PDE3A: variants seen among roughly 807,000 people sequenced by gnomAD.
PDE3A encodes phosphodiesterase 3A, also known as cGMP-inhibited 3',5'-cyclic phosphodiesterase 3A.
Under a neutral mutation model 98.3 loss-of-function variants are expected in PDE3A, and 43 were observed. That is an observed-to-expected ratio of 0.44 (90% CI 0.34 to 0.56). PDE3A has a LOEUF of 0.56. Ranked by LOEUF, PDE3A falls within the 20% of genes least tolerant of loss-of-function variation. The pLI is 0.01. For missense variants in PDE3A, 1,427 were observed against 1,440.7 expected (o/e 0.99, Z 0.15); for synonymous variants, 663 against 567.9 (o/e 1.17, Z -2.38).
chr12:20,447,885 T>C (rs4130514), intron 1 of PDE3A, among the ~76,000 whole-genome samples: 48,995 of 151,802 alleles, frequency 0.32, 8,665 homozygotes, highest in Non-Finnish European at 0.39. Flanking sequence ...GACTGAGGGG[T>C]GATGCTATGT....
chr12:20,498,939 C>T (rs1945973679), intron 1 of PDE3A, among the ~76,000 whole-genome samples: 1 of 152,012 alleles, frequency 6.6e-6, no homozygotes, highest in African/African-American at 2.4e-5. Context: ...TCATTGATGC[C>T]TCAAATTGTC....
chr12:20,411,327 G>A (rs1019137478), intron 1 of PDE3A, among the ~76,000 whole-genome samples: 1 of 152,062 alleles, frequency 6.6e-6, no homozygotes, highest in African/African-American at 2.4e-5. Context: ...GCCTCTGGTA[G>A]CCACCATTCC....
At chr12:20,437,339 C>T (rs891170550) in intron 1 of PDE3A, among the ~76,000 whole-genome samples, 12 of 152,106 alleles carry the variant, frequency 7.9e-5, no homozygotes, top group African/African-American at 2.9e-4. Flanking sequence ...GATCATATCC[C>T]TACTATATGC....
chr12:20,684,715 A>G lies in PDE3A; in HGVS notation c.*4444A>G, dbSNP rs1188259564. ...AAGAAATCAGCAATTTTAGGTAAAG[A>G]ATATTCCAAGATTAAATTGTTCTTT... On this transcript the variant is annotated 3_prime_UTR_variant, in exon 16 of 16. Coordinates refer to ENST00000359062, the MANE Select transcript of PDE3A (RefSeq NM_000921.5). 6.6e-6 allele frequency among the ~76,000 whole-genome samples: 1 copy of G among 152,214 alleles called. No homozygotes were observed. The highest frequency in any genetic ancestry group is 1.5e-5 in the Non-Finnish European group (1 of 68,036).
At chr12:20,632,254 C>T (rs763586527) in intron 6 of PDE3A, among the ~76,000 whole-genome samples, 6 of 152,022 alleles carry the variant, frequency 3.9e-5, no homozygotes, top group African/African-American at 7.2e-5. Flanking sequence ...TTACAGGTAA[C>T]GTTTTTCTAT....
At chr12:20,431,621 ACG>A (rs1491268106) in intron 1 of PDE3A, among the ~76,000 whole-genome samples, 31 of 150,342 alleles carry the variant, frequency 2.1e-4, no homozygotes, top group African/African-American at 3.7e-4. Flanking sequence ...ACACACACAC[ACG>A]CACACACACG....
chr12:20,566,223 T>C (rs760118484), intron 2 of PDE3A, among the ~76,000 whole-genome samples: 1 of 151,948 alleles, frequency 6.6e-6, no homozygotes, highest in African/African-American at 2.4e-5. Flanking sequence ...TTTCTCCTTT[T>C]TTGGTGGTGA....
chr12:20,677,885 G>C (rs910298554), intron 15 of PDE3A, among the ~76,000 whole-genome samples: 2 of 151,270 alleles, frequency 1.3e-5, no homozygotes, highest in African/African-American at 4.9e-5. Flanking sequence ...AGTATCAGTA[G>C]TATCTATGAT....
chr12:20,641,036 A>G (rs1944635672), intron 10 of PDE3A, among the ~76,000 whole-genome samples: 1 of 152,158 alleles, frequency 6.6e-6, no homozygotes, highest in African/African-American at 2.4e-5. Context: ...ATTAATACTA[A>G]TAAAACACAA....
At chr12:20,417,804 C>A (rs1314508316) in intron 1 of PDE3A, among the ~76,000 whole-genome samples, 1 of 152,144 alleles carries the variant, frequency 6.6e-6, no homozygotes, top group Non-Finnish European at 1.5e-5. Flanking sequence ...GTGTTCGAGG[C>A]AGCGTACTTA....
In PDE3A at chr12:20,633,733, C is replaced by T. The variant is rs151312475; in HGVS notation, c.1801C>T (p.Pro601Ser). 16 of 1,610,540 alleles carry T rather than the reference C, an allele frequency of 9.9e-6. No homozygotes were observed. The Admixed American group carries it at 1.2e-4, about 12-fold the overall frequency. ...PYSQGNPADE[P>S]LERSGVATRT... ...TTCCCAAGGGAATCCTGCTGATGAG[C>T]CCCTGGAGAGAAGTGGGGTAGCCAC... The change falls in exon 7 of 16, where the codon CCC becomes TCC. Residue 601 changes from proline to serine, a missense_variant. By Grantham distance (74) the Pro-to-Ser change is moderately conservative. Transcript: ENST00000359062.
At chr12:20,564,000 A>C (rs1942594312) in intron 2 of PDE3A, among the ~76,000 whole-genome samples, 1 of 152,134 alleles carries the variant, frequency 6.6e-6, no homozygotes, top group Non-Finnish European at 1.5e-5. Context: ...TAGCAAATCT[A>C]TCATAGTAGG....
chr12:20,444,682 G>A (rs79454671), intron 1 of PDE3A, among the ~76,000 whole-genome samples: 266 of 152,290 alleles, frequency 1.7e-3, no homozygotes, highest in Non-Finnish European at 3.3e-3. Flanking sequence ...ATCTGAACAA[G>A]CCAGGACTCA....
At chr12:20,438,949 G>A (rs953483395) in intron 1 of PDE3A, among the ~76,000 whole-genome samples, 1 of 151,766 alleles carries the variant, frequency 6.6e-6, no homozygotes, top group Admixed American at 6.6e-5. Context: ...GTACCACCAC[G>A]CCTGGCTAAT....
In PDE3A at chr12:20,680,834, G is replaced by GTGTGTGTA. The variant is rs1945762383; in HGVS notation, c.*570_*571insATGTGTGT. 6.8e-6 allele frequency: 1 copy of GTGTGTGTA among 146,530 alleles called. No homozygotes were observed. The highest frequency in any genetic ancestry group is 2.6e-5 in the African/African-American group (1 of 38,412). 9.1% of individuals were successfully genotyped at this position (146,530 alleles called of 1,614,324 possible). A position where few individuals can be genotyped will look rare whatever the true frequency, so the allele number is the denominator to read the frequency against. ...GATACATCCTGCCAACACTGTGTGT[G>GTGTGTGTA]TGTGTGTGTGTGTGTGTGTGTGTGT... is the stretch of plus-strand genomic sequence containing the variant. On this transcript the variant is annotated 3_prime_UTR_variant, in exon 16 of 16. Transcript: ENST00000359062.
intron 2 of PDE3A, among the ~76,000 whole-genome samples, chr12:20,584,195 C>G (rs1402092833): frequency 6.6e-6 from 1 of 152,046 alleles, no homozygotes; most frequent in East Asian, 1.9e-4. Context: ...GTGAGGTAAC[C>G]TAGAAAATTA....
intron 2 of PDE3A, among the ~76,000 whole-genome samples, chr12:20,593,588 T>A (rs1055609909): frequency 2.0e-5 from 3 of 151,596 alleles, no homozygotes; most frequent in African/African-American, 7.3e-5. Context: ...AATTTCCAGA[T>A]CCACTGACCA....
At chr12:20,585,879 A>G (rs1431963477) in intron 2 of PDE3A, among the ~76,000 whole-genome samples, 4 of 152,092 alleles carry the variant, frequency 2.6e-5, no homozygotes, top group African/African-American at 9.7e-5. Flanking sequence ...TCTTCCACAG[A>G]CATATACTGA....
chr12:20,517,564 A>G (rs796832422), intron 1 of PDE3A, among the ~76,000 whole-genome samples: 2 of 152,166 alleles, frequency 1.3e-5, no homozygotes, highest in African/African-American at 4.8e-5. Flanking sequence ...TCCTATGACA[A>G]ACTGAGTATT....
Sources: gnomAD v4.1 joint callset for allele counts (sites outside exome capture counted in the v4.1 genomes callset) on GRCh38, gnomAD v4.1.1 for gene constraint, MANE v1.5 for transcripts, NCBI Gene and HGNC (gene_info 2026-07-23, HGNC 2026-07-21) for gene names.